The following RNF121 variants were observed in gnomAD, a reference collection of about 807,000 sequenced individuals.
The protein encoded by RNF121 is E3 ubiquitin ligase RNF121.
RNF121 carries 21 observed loss-of-function variants against 46.5 expected under a neutral mutation model. The observed-to-expected ratio is 0.45, with a 90% confidence interval of 0.32 to 0.65. RNF121 has a LOEUF of 0.65. Among genes scored for constraint, RNF121 ranks in the 30% least tolerant of loss-of-function variants. The probability of loss-of-function intolerance (pLI) is 0.04; values close to 1 mark genes in which losing one functional copy is unlikely to be tolerated. For synonymous variants in RNF121, 139 were observed against 144.7 expected, an observed-to-expected ratio of 0.96 and a Z score of 0.28; for missense variants, 346 against 416.0, an observed-to-expected ratio of 0.83 and a Z score of 1.46.
intron 1 of RNF121, among the ~76,000 whole-genome samples, chr11:71,948,695 G>A (rs1953788475): frequency 6.6e-6 from 1 of 152,060 alleles, no homozygotes; most frequent in Non-Finnish European, 1.5e-5. Context: ...TCCAGTGTCT[G>A]CATGATCTCC....
At chr11:71,960,915 C>G in intron 3 of RNF121, 24 bp downstream of exon 3, 2 of 1,610,052 alleles carry the variant, frequency 1.2e-6, no homozygotes, top group Non-Finnish European at 1.7e-6. Flanking sequence ...CCTCTTACTT[C>G]TTTGTCTGTC....
intron 1 of RNF121, among the ~76,000 whole-genome samples, chr11:71,930,491 C>T (rs1953252722): frequency 6.6e-6 from 1 of 151,892 alleles, no homozygotes; most frequent in Non-Finnish European, 1.5e-5. Context: ...CAGGTGATCA[C>T]AGCAGGGGGA....
chr11:71,973,998 G>A (rs1954475916), intron 3 of RNF121, among the ~76,000 whole-genome samples: 1 of 152,162 alleles, frequency 6.6e-6, no homozygotes, highest in Admixed American at 6.5e-5. Flanking sequence ...CCAGACTGCA[G>A]TGGCGCTATC....
chr11:71,989,479 A>G (rs1291932243), intron 5 of RNF121, among the ~76,000 whole-genome samples: 1 of 152,188 alleles, frequency 6.6e-6, no homozygotes, highest in Non-Finnish European at 1.5e-5. Context: ...AATCTTGATC[A>G]TTTTTGTGCT....
At chr11:71,939,153 C>T (rs957105250) in intron 1 of RNF121, 3 of 155,218 alleles carry the variant, frequency 1.9e-5, no homozygotes, top group Non-Finnish European at 2.9e-5. Flanking sequence ...ATCTGCCCAC[C>T]TTGGACTCCC....
chr11:71,975,440 G>T (rs1346393976), intron 3 of RNF121, among the ~76,000 whole-genome samples: 1 of 152,020 alleles, frequency 6.6e-6, no homozygotes, highest in Non-Finnish European at 1.5e-5. Flanking sequence ...TTTCTATCTG[G>T]ACCTATTGGC....
chr11:71,936,824 A>T (rs1480731345), intron 1 of RNF121, among the ~76,000 whole-genome samples: 1 of 21,320 alleles, frequency 4.7e-5, no homozygotes, highest in Non-Finnish European at 3.4e-4. Context: ...GAATATTTTA[A>T]TGCTTTAATG....
intron 6 of RNF121, among the ~76,000 whole-genome samples, chr11:71,993,705 T>C (rs909524478): frequency 2.0e-5 from 3 of 152,232 alleles, no homozygotes; most frequent in Non-Finnish European, 4.4e-5. Context: ...TTTGGGTTTA[T>C]ACCGAGAATG....
Position 71,994,852 on chromosome 11 carries a change from T to G in RNF121, c.761T>G (p.Val254Gly). The G allele has an allele frequency of 6.2e-7, 1 of 1,614,178 alleles. No homozygotes were observed. Among genetic ancestry groups the G allele is most frequent in the African/African-American group, 1.3e-5 (1 of 75,044 alleles). ...ACGTATAGGCTGTCCTGCAATCATG[T>G]GTATCCTGCCTCGAGCTCCTGGGCC... ...ENTYRLSCNH[V>G]FHEFCIRGWC... Residue 254 changes from valine (V) to glycine (G), a missense_variant and splice_region_variant, in exon 7 of 9, where the codon GTC becomes GGC. By Grantham distance (109) the Val-to-Gly change is moderately radical. Around this residue, in one of 2 missense-constraint regions of RNF121, gnomAD observed 286 missense variants for 383.8 expected, o/e 0.75. Coordinates refer to ENST00000361756, the MANE Select transcript of RNF121 (RefSeq NM_018320.5).
rs925008160 is a variant in RNF121 at position 71,995,322 on chromosome 11, GAC to G, written c.762-124_762-123del. ...CTTCACATGTGAGGAAACAGGTTCAGACACAGGGACTTGCCCAACATTACAGA... is the reference window on the plus strand; with the variant it reads ...CTTCACATGTGAGGAAACAGGTTCAGACAGGGACTTGCCCAACATTACAGA... On this transcript the variant is annotated intron_variant, in intron 7 of 8. Coordinates refer to ENST00000361756, the MANE Select transcript of RNF121 (RefSeq NM_018320.5). 4.5e-5 allele frequency: 33 copies of G among 736,368 alleles called. No homozygotes were observed. The Admixed American group carries it at 5.4e-4, about 12-fold the overall frequency. The allele number at this position is 736,368 out of a possible 1,614,324, so 45.6% of individuals were successfully genotyped here. A position where few individuals can be genotyped will look rare whatever the true frequency, so the allele number is the denominator to read the frequency against.
At chr11:71,957,914 A>G (rs768910519) in intron 2 of RNF121, among the ~76,000 whole-genome samples, 1 of 152,216 alleles carries the variant, frequency 6.6e-6, no homozygotes, top group Non-Finnish European at 1.5e-5. Context: ...TTAGAATTTA[A>G]TAGTGAGAAA....
At chr11:71,954,028 A>G (rs1953936913) in intron 1 of RNF121, among the ~76,000 whole-genome samples, 1 of 152,182 alleles carries the variant, frequency 6.6e-6, no homozygotes, top group Non-Finnish European at 1.5e-5. Context: ...GGCTAGCATT[A>G]AGTCACTGTA....
chr11:71,950,888 T>TA (rs1953860172), intron 1 of RNF121, among the ~76,000 whole-genome samples: 1 of 152,136 alleles, frequency 6.6e-6, no homozygotes, highest in Non-Finnish European at 1.5e-5. Context: ...ACTTTGGAGT[T>TA]AGACAGATTT....
intron 1 of RNF121, among the ~76,000 whole-genome samples, chr11:71,956,121 G>A (rs909996011): frequency 6.6e-6 from 1 of 152,176 alleles, no homozygotes; most frequent in Admixed American, 6.5e-5. Context: ...TATTTCAAAT[G>A]TTCAACTTAT....
intron 3 of RNF121, among the ~76,000 whole-genome samples, chr11:71,975,756 T>A (rs1954514143): frequency 6.6e-6 from 1 of 152,204 alleles, no homozygotes; most frequent in African/African-American, 2.4e-5. Flanking sequence ...AAAGAAGACA[T>A]AGTTCTAGGT....
intron 1 of RNF121, among the ~76,000 whole-genome samples, chr11:71,951,475 G>A (rs1259335718): frequency 6.6e-6 from 1 of 151,954 alleles, no homozygotes; most frequent in Non-Finnish European, 1.5e-5. Flanking sequence ...CTACTTGGGA[G>A]GCTGAGGTAG....
At chr11:71,985,380 G>A (rs187041964) in intron 4 of RNF121, among the ~76,000 whole-genome samples, 5 of 152,288 alleles carry the variant, frequency 3.3e-5, no homozygotes, top group South Asian at 4.2e-4. Flanking sequence ...TCAAAGAGGT[G>A]ATTTGACTTA....
chr11:71,977,634 G>A (rs910547629), intron 3 of RNF121, among the ~76,000 whole-genome samples: 1 of 152,188 alleles, frequency 6.6e-6, no homozygotes, highest in African/African-American at 2.4e-5. Context: ...CTTTGTATTT[G>A]CACATTCAGG....
intron 1 of RNF121, among the ~76,000 whole-genome samples, chr11:71,954,227 C>A (rs539837839): frequency 6.6e-6 from 1 of 152,280 alleles, no homozygotes; most frequent in Non-Finnish European, 1.5e-5. Context: ...TTAATTATAG[C>A]CATAGTTTAC....
Sources: allele counts gnomAD v4.1 joint callset (sites outside exome capture counted in the v4.1 genomes callset), GRCh38; gene constraint gnomAD v4.1.1; regional missense constraint gnomAD v4.1.1; transcripts MANE v1.5; gene names NCBI Gene and HGNC (gene_info 2026-07-23, HGNC 2026-07-21).